Variants in NLN observed in about 807,000 individuals in gnomAD.
NLN encodes neurolysin, mitochondrial.
In NLN, 64 loss-of-function variants were observed where a neutral mutation model predicts 79.9. The observed-to-expected ratio is 0.80, with a 90% CI of 0.65 to 0.99. The LOEUF (loss-of-function observed/expected upper bound fraction) is 0.99, where lower values mean the gene tolerates loss of function less well. NLN is among the 50% of genes least tolerant of loss of function. The pLI, the probability that NLN is intolerant of heterozygous loss-of-function variation, is 0.00. For missense variants in NLN, 835 were observed against 858.7 expected, an observed-to-expected ratio of 0.97 and a Z score of 0.34; for synonymous variants, 267 against 296.6, an observed-to-expected ratio of 0.90 and a Z score of 1.02.
At chr5:65,771,713 T>G (rs1201519366) in intron 3 of NLN, among the ~76,000 whole-genome samples, 1 of 152,114 alleles carries the variant, frequency 6.6e-6, no homozygotes, top group Non-Finnish European at 1.5e-5. Context: ...CAGCTCCAAA[T>G]TAAAATACAA....
Position 65,728,064 on chromosome 5 carries a change from G to A in NLN, c.41+5650G>A, listed in dbSNP as rs543921726. 1.2e-4 allele frequency among the ~76,000 whole-genome samples: 18 copies of A among 152,176 alleles called. No individual in the cohort carries two copies. The East Asian group carries it at 3.5e-3, about 29-fold the overall frequency. On this transcript the variant is annotated intron_variant, in intron 1 of 12. Coordinates refer to ENST00000380985, the MANE Select transcript of NLN (RefSeq NM_020726.5). ...ATTATAGGCGTGAGCCACTGCACCTGGCCTAAAAAACACAGCTTGGTTTTT... is the reference window on the plus strand; with the variant it reads ...ATTATAGGCGTGAGCCACTGCACCTAGCCTAAAAAACACAGCTTGGTTTTT...
chr5:65,796,963 A>G (rs1298338153), intron 9 of NLN, among the ~76,000 whole-genome samples: 1 of 152,228 alleles, frequency 6.6e-6, no homozygotes, highest in Non-Finnish European at 1.5e-5. Flanking sequence ...GTAATATTTA[A>G]ACATGTTGGC....
chr5:65,765,112 G>A (rs1041430286), intron 3 of NLN, among the ~76,000 whole-genome samples: 1 of 152,224 alleles, frequency 6.6e-6, no homozygotes, highest in African/African-American at 2.4e-5. Context: ...GCTGGGCATG[G>A]TGGCTCACGC....
intron 1 of NLN, among the ~76,000 whole-genome samples, chr5:65,747,267 G>A (rs1027050948): frequency 3.3e-5 from 5 of 152,124 alleles, no homozygotes; most frequent in South Asian, 2.1e-4. Flanking sequence ...GGAGAAATTC[G>A]GGGAGGCTGG....
At chr5:65,798,665 T>C (rs1171405782) in intron 9 of NLN, among the ~76,000 whole-genome samples, 1 of 152,194 alleles carries the variant, frequency 6.6e-6, no homozygotes, top group African/African-American at 2.4e-5. Context: ...TCTTTCAAGA[T>C]CTTCTTTTTG....
intron 4 of NLN, among the ~76,000 whole-genome samples, chr5:65,779,487 C>A (rs547747410): frequency 2.4e-4 from 37 of 152,162 alleles, no homozygotes; most frequent in African/African-American, 8.2e-4. Flanking sequence ...TAAAACATCA[C>A]CTTTTCCCCG....
Position 65,823,028 on chromosome 5 carries a change from C to A in NLN, c.*113C>A. On this transcript the variant is annotated 3_prime_UTR_variant, in exon 13 of 13. Coordinates refer to ENST00000380985, the MANE Select transcript of NLN (RefSeq NM_020726.5). Reference sequence around the variant, plus strand: ...AAGTGAAAATTTAGATTTCTATTGACATCCTTTTGTTTTCTAATTTTAAAA... The same window carrying A: ...AAGTGAAAATTTAGATTTCTATTGAAATCCTTTTGTTTTCTAATTTTAAAA... 1 of 768,994 alleles carries A rather than the reference C, an allele frequency of 1.3e-6. No homozygotes were observed. The highest frequency in any genetic ancestry group is 1.9e-5 in the South Asian group (1 of 52,212). The allele number at this position is 768,994 out of a possible 1,614,324, so 47.6% of individuals were successfully genotyped here.
intron 11 of NLN, among the ~76,000 whole-genome samples, chr5:65,810,560 A>AT (rs754262173): frequency 7.9e-5 from 12 of 152,008 alleles, no homozygotes; most frequent in Admixed American, 2.0e-4. Context: ...TATTTTGTTT[A>AT]TTTTTTCCAT....
rs1249675313 is a variant in NLN, at chr5:65,734,113, G to T, written c.41+11699G>T. 1.4e-5 allele frequency among the ~76,000 whole-genome samples: 2 copies of T among 138,472 alleles called. 1 individual carries two copies. Among genetic ancestry groups the T allele is most frequent in the African/African-American group, 5.5e-5 (2 of 36,462 alleles). The allele number at this position is 138,472 out of a possible 152,430, so 90.8% of individuals were successfully genotyped here. ...AGGGTTTCACCAAGTTAGCCAGGAT[G>T]GTCTCAATCTCCTGACCTCGTGATC... On this transcript the variant is annotated intron_variant, in intron 1 of 12. Coordinates refer to ENST00000380985, the MANE Select transcript of NLN (RefSeq NM_020726.5).
chr5:65,815,960 AT>A (rs1760660576), intron 12 of NLN, among the ~76,000 whole-genome samples: 1 of 152,196 alleles, frequency 6.6e-6, no homozygotes. Flanking sequence ...CAAAGCATTA[AT>A]TTTTGGTAAC....
In NLN at chr5:65,722,354, G is replaced by C. The variant is rs761534993; in HGVS notation, c.-20G>C. 9.7e-6 allele frequency: 15 copies of C among 1,553,550 alleles called. No homozygotes were observed. The African/African-American group carries it at 2.1e-4, about 22-fold the overall frequency. ...GCCGAAGGACCACGCGCCCGCCGCCGCCAGCCTCTCAGCGCTCCCATGATC... is the reference window on the plus strand; with the variant it reads ...GCCGAAGGACCACGCGCCCGCCGCCCCCAGCCTCTCAGCGCTCCCATGATC... On this transcript the variant is annotated 5_prime_UTR_variant, in exon 1 of 13. Transcript: ENST00000380985.
At chr5:65,723,751 C>T (rs1758381077) in intron 1 of NLN, among the ~76,000 whole-genome samples, 1 of 140,474 alleles carries the variant, frequency 7.1e-6, no homozygotes, top group Admixed American at 7.7e-5. Flanking sequence ...GGAGGCGAAG[C>T]TTGCAGTGAG....
chr5:65,792,111 A>G (rs545145994), intron 8 of NLN, among the ~76,000 whole-genome samples: 1 of 152,300 alleles, frequency 6.6e-6, no homozygotes, highest in East Asian at 1.9e-4. Context: ...TGTGGGTTTC[A>G]GCATTGTTTA....
intron 9 of NLN, among the ~76,000 whole-genome samples, chr5:65,804,883 C>G (rs1760376657): frequency 6.6e-6 from 1 of 152,066 alleles, no homozygotes; most frequent in African/African-American, 2.4e-5. Context: ...CAGTGATTTC[C>G]TTTTTTATGA....
chr5:65,783,778 A>T (rs1170779148), intron 6 of NLN, among the ~76,000 whole-genome samples: 1 of 152,120 alleles, frequency 6.6e-6, no homozygotes, highest in African/African-American at 2.4e-5. Flanking sequence ...GAAAATTGGC[A>T]GTCTAGAGAG....
intron 1 of NLN, among the ~76,000 whole-genome samples, chr5:65,746,035 A>C (rs1418774546): frequency 6.6e-6 from 1 of 152,198 alleles, no homozygotes; most frequent in Non-Finnish European, 1.5e-5. Flanking sequence ...CCCAACAGGC[A>C]GTTGGTCATA....
At chr5:65,780,696 ACGGAGTCTCGCT>A (rs1759782383) in intron 5 of NLN, among the ~76,000 whole-genome samples, 3 of 151,338 alleles carry the variant, frequency 2.0e-5, no homozygotes, top group Non-Finnish European at 4.4e-5. Flanking sequence ...TTTTTTTGAG[ACGGAGTCTCGCT>A]CTGTTGCCAG....
rs1760898836 is a variant in NLN, at chr5:65,825,517, G to A, written c.*2602G>A. 1 of 152,180 alleles carries A rather than the reference G, an allele frequency of 6.6e-6. No homozygotes were observed. The highest frequency in any genetic ancestry group is 2.4e-5 in the African/African-American group (1 of 41,446). 9.4% of individuals were successfully genotyped at this position (152,180 alleles called of 1,614,324 possible). ...TTACGATGCTGCAGAGAAGAGAAAT[G>A]TCTTGACGTTTTGCCACCTGATGTA... On this transcript the variant is annotated 3_prime_UTR_variant, in exon 13 of 13. Coordinates refer to ENST00000380985, the MANE Select transcript of NLN (RefSeq NM_020726.5).
chr5:65,825,407 T>C lies in NLN; in HGVS notation c.*2492T>C, dbSNP rs1760896608. On this transcript the variant is annotated 3_prime_UTR_variant, in exon 13 of 13. Transcript: ENST00000380985. ...GGCCTCTTTCGGGTTTTTTGTTTTT[T>C]TTTTAGGCATTGTTATGTTGTGAAG... is the stretch of plus-strand genomic sequence containing the variant. 2.0e-5 allele frequency: 3 copies of C among 152,196 alleles called. No homozygotes were observed. The highest frequency in any genetic ancestry group is 7.2e-5 in the African/African-American group (3 of 41,436). The allele number at this position is 152,196 out of a possible 1,614,324, so 9.4% of individuals were successfully genotyped here.
Sources: gnomAD v4.1 joint callset for allele counts (sites outside exome capture counted in the v4.1 genomes callset) on GRCh38, gnomAD v4.1.1 for gene constraint, MANE v1.5 for transcripts, NCBI Gene and HGNC (gene_info 2026-07-23, HGNC 2026-07-21) for gene names.